PNLIP: variants seen among roughly 807,000 people sequenced by gnomAD.
PNLIP encodes pancreatic triacylglycerol lipase.
A neutral mutation model predicts 57.1 loss-of-function variants in PNLIP; 49 were observed. The observed-to-expected ratio is 0.86, with a 90% CI of 0.68 to 1.09. The LOEUF (loss-of-function observed/expected upper bound fraction) is 1.09, where lower values mean the gene tolerates loss of function less well. Ranked by LOEUF, PNLIP falls within the 50% of genes least tolerant of loss-of-function variation. PNLIP has a pLI of 0.00. For synonymous variants in PNLIP, 209 were observed against 200.4 expected, an observed-to-expected ratio of 1.04 and a Z score of -0.36; for missense variants, 503 against 570.2, an observed-to-expected ratio of 0.88 and a Z score of 1.20.
intron 9 of PNLIP, among the ~76,000 whole-genome samples, chr10:116,558,877 A>C (rs1235279440): frequency 1.3e-5 from 2 of 151,506 alleles, no homozygotes; most frequent in African/African-American, 4.9e-5. Context: ...CACCTGCCTC[A>C]GCCTCCCAAA....
At chr10:116,567,121 C>CTCTTTCTTTCTTTCTT (rs10563857) in intron 12 of PNLIP, among the ~76,000 whole-genome samples, 48 of 146,482 alleles carry the variant, frequency 3.3e-4, no homozygotes, top group African/African-American at 1.2e-3. Flanking sequence ...TCCTTTCTTT[C>CTCTTTCTTTCTTTCTT]TCTTTCTTTC....
intron 12 of PNLIP, 78 bp downstream of exon 12, chr10:116,561,714 A>G: frequency 1.6e-6 from 2 of 1,274,394 alleles, no homozygotes; most frequent in Middle Eastern, 2.1e-4. Context: ...AGTCTAATTT[A>G]AGTGAAACCT....
At chr10:116,556,260 G>C (rs1404442625) in intron 9 of PNLIP, 142 bp downstream of exon 9, 15 of 603,728 alleles carry the variant, frequency 2.5e-5, no homozygotes, top group Admixed American at 5.4e-5. Flanking sequence ...TATTTAAATA[G>C]TGATAAATTA....
chr10:116,565,105 G>T (rs186677506), intron 12 of PNLIP, among the ~76,000 whole-genome samples: 2 of 151,738 alleles, frequency 1.3e-5, no homozygotes, highest in East Asian at 2.0e-4. Flanking sequence ...AATACACGAC[G>T]CAGGCGTGGT....
intron 10 of PNLIP, among the ~76,000 whole-genome samples, chr10:116,560,213 T>A (rs868485970): frequency 6.6e-6 from 1 of 150,972 alleles, no homozygotes; most frequent in Non-Finnish European, 1.5e-5. Context: ...AAAGCCCCTA[T>A]TACCTAATGC....
At chr10:116,556,159 G>T in intron 9 of PNLIP, 41 bp downstream of exon 9, 2 of 1,130,970 alleles carry the variant, frequency 1.8e-6, no homozygotes, top group South Asian at 2.5e-5. Flanking sequence ...TTTTGTGACT[G>T]TCACTTCTCA....
At chr10:116,561,706 T>A in intron 12 of PNLIP, 70 bp downstream of exon 12, 1 of 1,419,160 alleles carries the variant, frequency 7.0e-7, no homozygotes, top group Non-Finnish European at 9.6e-7. Flanking sequence ...CCACTAAAAG[T>A]CTAATTTAAG....
In PNLIP at chr10:116,553,766, G is replaced by A; in HGVS notation, c.499G>A (p.Gly167Ser). 6.2e-7 allele frequency: 1 copy of A among 1,613,304 alleles called. No homozygotes were observed. The highest frequency in any genetic ancestry group is 8.5e-7 in the Non-Finnish European group (1 of 1,179,538). Residue 167 changes from glycine to serine, a missense_variant, in exon 6 of 13, where the codon GGC (glycine) becomes AGC (serine). Coordinates refer to ENST00000369221, the MANE Select transcript of PNLIP (RefSeq NM_000936.4). ...GYSPSNVHVI[G>S]HSLGAHAAGE... ...CTCACCTTCCAATGTGCATGTCATTGGCCACAGCCTGGGTGCCCACGCTGC... is the reference window on the plus strand; with the variant it reads ...CTCACCTTCCAATGTGCATGTCATTAGCCACAGCCTGGGTGCCCACGCTGC...
chr10:116,552,711 C>G (rs958922484), intron 5 of PNLIP, among the ~76,000 whole-genome samples: 1 of 151,962 alleles, frequency 6.6e-6, no homozygotes, highest in Admixed American at 6.6e-5. Context: ...ACAGTGAAAC[C>G]CTGTCTCTAC....
intron 6 of PNLIP, among the ~76,000 whole-genome samples, chr10:116,554,822 C>T (rs1051091228): frequency 1.2e-4 from 19 of 152,168 alleles, no homozygotes; most frequent in African/African-American, 4.3e-4. Flanking sequence ...TGCCTGTGGT[C>T]TCAGTGACGT....
intron 4 of PNLIP, 142 bp downstream of exon 4, chr10:116,548,624 G>A (rs1847156342): frequency 1.2e-5 from 11 of 898,880 alleles, no homozygotes; most frequent in Non-Finnish European, 1.8e-5. Context: ...GAGTTCCTAG[G>A]GGAGGTCAAG....
intron 5 of PNLIP, among the ~76,000 whole-genome samples, chr10:116,553,239 A>G (rs1040958640): frequency 5.9e-5 from 9 of 152,266 alleles, no homozygotes; most frequent in African/African-American, 2.2e-4. Flanking sequence ...CCAAGTAGTC[A>G]GGATTATAGG....
In PNLIP at chr10:116,559,201, C is replaced by A. The variant is rs1312463685; in HGVS notation, c.978C>A (p.His326Gln). The A allele has an allele frequency of 6.2e-7, 1 of 1,613,826 alleles. No homozygotes were observed. The highest frequency in any genetic ancestry group is 1.3e-5 in the African/African-American group (1 of 74,904). The part of the protein sequence containing the change: ...CPSGGCPQMG[H>Q]YADRYPGKTN... ...GTGGAGGCTGCCCACAGATGGGTCA[C>A]TATGCTGATAGATATCCTGGGAAAA... The change falls in exon 10 of 13, where the codon CAC becomes CAA. Residue 326 changes from histidine to glutamine, a missense_variant. Coordinates refer to ENST00000369221, the MANE Select transcript of PNLIP (RefSeq NM_000936.4).
At chr10:116,560,577 G>T (rs1847305118) in intron 11 of PNLIP, 53 bp downstream of exon 11, 1 of 803,658 alleles carries the variant, frequency 1.2e-6, no homozygotes, top group East Asian at 2.7e-5. Flanking sequence ...TTTTGAGTCG[G>T]AGTCTCGCTG....
intron 4 of PNLIP, among the ~76,000 whole-genome samples, chr10:116,549,309 C>T: frequency 6.6e-6 from 1 of 151,988 alleles, no homozygotes; most frequent in Admixed American, 6.6e-5. Context: ...AACCCCGTCT[C>T]TACTAAAACT....
intron 9 of PNLIP, among the ~76,000 whole-genome samples, 161 bp downstream of exon 9, chr10:116,556,279 T>C (rs1051771996): frequency 6.6e-6 from 1 of 152,258 alleles, no homozygotes; most frequent in Non-Finnish European, 1.5e-5. Context: ...TAGAGCACTT[T>C]AGAGAAATGA....
Position 116,556,233 on chromosome 10 carries a change from A to G in PNLIP, c.930+115A>G, listed in dbSNP as rs1847252520. 7 of 664,174 alleles carry G rather than the reference A, an allele frequency of 1.1e-5. No individual in the cohort carries two copies. The South Asian group carries it at 1.3e-4, about 12-fold the overall frequency. 41.1% of individuals were successfully genotyped at this position (664,174 alleles called of 1,614,324 possible). A position where few individuals can be genotyped will look rare whatever the true frequency, so the allele number is the denominator to read the frequency against. On this transcript the variant is annotated intron_variant, in intron 9 of 12. Coordinates refer to ENST00000369221, the MANE Select transcript of PNLIP (RefSeq NM_000936.4). ...AATGTTTATACTTTTGAACTTATAC[A>G]TGCCTTTAATTATATGTATTTAAAT...
chr10:116,551,394 G>C (rs1275970610), intron 5 of PNLIP, 162 bp downstream of exon 5: 1 of 482,520 alleles, frequency 2.1e-6, no homozygotes, highest in Non-Finnish European at 3.3e-6. Flanking sequence ...AAAAAATCTA[G>C]CTTTGGGTTT....
rs757917585 is a variant in PNLIP, at chr10:116,547,451, A to G, written c.201+3A>G. 1.9e-6 allele frequency: 3 copies of G among 1,611,088 alleles called. No individual in the cohort carries two copies. The highest frequency in any genetic ancestry group is 1.7e-6 in the Non-Finnish European group (2 of 1,178,924). On this transcript the variant is annotated splice_donor_region_variant and intron_variant, in intron 3 of 12. Coordinates refer to ENST00000369221, the MANE Select transcript of PNLIP (RefSeq NM_000936.4). ...ATGAGAACCCAAACAACTTTCAAGT[A>G]AGAACTATCACTGTGTTTAGAACTA... is the stretch of plus-strand genomic sequence containing the variant.
Sources: gnomAD v4.1 joint callset for allele counts (sites outside exome capture counted in the v4.1 genomes callset) on GRCh38, gnomAD v4.1.1 for gene constraint, MANE v1.5 for transcripts, NCBI Gene and HGNC (gene_info 2026-07-23, HGNC 2026-07-21) for gene names.